AKAP7: variants seen among roughly 807,000 people sequenced by gnomAD.
AKAP7 encodes the protein A-kinase anchoring protein 7.
Under a neutral mutation model 39.5 loss-of-function variants are expected in AKAP7, and 39 were observed. The ratio of observed to expected loss-of-function variants is 0.99; its 90% CI spans 0.76 to 1.29. AKAP7 has a LOEUF of 1.29. Ranked by LOEUF, AKAP7 falls within the 50% of genes most tolerant of loss-of-function variation. The probability of loss-of-function intolerance (pLI) is 0.00; values close to 1 mark genes in which losing one functional copy is unlikely to be tolerated. For synonymous variants in AKAP7, 140 were observed against 139.1 expected (o/e 1.01, Z -0.05); for missense variants, 414 against 407.7 (o/e 1.02, Z -0.13).
At chr6:131,224,607 G>A (rs1472174639) in intron 7 of AKAP7, among the ~76,000 whole-genome samples, 10 of 151,368 alleles carry the variant, frequency 6.6e-5, no homozygotes, top group African/African-American at 2.4e-4. Flanking sequence ...TACATTCTTG[G>A]AGAGTGCTAG....
In AKAP7 at chr6:131,179,888, TA is replaced by T. The variant is rs1277575635; in HGVS notation, c.589+10618del. Among the ~76,000 whole-genome samples, 845 of 151,246 alleles carry T rather than the reference TA, an allele frequency of 5.6e-3. 8 individuals carry two copies. The highest frequency in any genetic ancestry group is 0.017 in the African/African-American group (716 of 41,186). ...TGTCTCAAATAAATAAATAAATAAA[TA>T]AATAAATAATAAATAAATAAATAAG... On this transcript the variant is annotated intron_variant, in intron 5 of 7. Coordinates refer to ENST00000431975, the MANE Select transcript of AKAP7 (RefSeq NM_016377.4).
intron 1 of AKAP7, among the ~76,000 whole-genome samples, chr6:131,142,879 G>A (rs1239072645): frequency 6.6e-6 from 1 of 152,268 alleles, no homozygotes; most frequent in Non-Finnish European, 1.5e-5. Context: ...TCTTGCTCCA[G>A]TGTGCCCTGG....
chr6:131,241,626 T>TATATATAC (rs1562238177), intron 7 of AKAP7, among the ~76,000 whole-genome samples: 99 of 135,708 alleles, frequency 7.3e-4, no homozygotes, highest in Middle Eastern at 3.5e-3. Context: ...TGTGTGTGTG[T>TATATATAC]GTATATATAT....
At chr6:131,188,512 TTTAA>T (rs1562197354) in intron 5 of AKAP7, among the ~76,000 whole-genome samples, 1 of 152,120 alleles carries the variant, frequency 6.6e-6, no homozygotes, top group Non-Finnish European at 1.5e-5. Flanking sequence ...CTTGCTATTG[TTTAA>T]TTACACATTA....
chr6:131,127,361 G>T, the AKAP7 span, among the ~76,000 whole-genome samples: 2 of 152,126 alleles, frequency 1.3e-5, no homozygotes, highest in African/African-American at 4.8e-5. Context: ...TTGACCATAG[G>T]TTGTATGTCA....
At chr6:131,256,193 A>G (rs1265263042) in intron 7 of AKAP7, among the ~76,000 whole-genome samples, 1 of 152,208 alleles carries the variant, frequency 6.6e-6, no homozygotes, top group Non-Finnish European at 1.5e-5. Flanking sequence ...CATTTTGCGT[A>G]AGATTTCTGT....
chr6:131,169,617 C>A (rs1361486295), intron 5 of AKAP7, among the ~76,000 whole-genome samples: 2 of 152,158 alleles, frequency 1.3e-5, no homozygotes, highest in African/African-American at 2.4e-5. Flanking sequence ...AGGGACTACT[C>A]TCTGAGCAGA....
At chr6:131,151,574 A>G (rs1319655269) in intron 2 of AKAP7, among the ~76,000 whole-genome samples, 2 of 151,504 alleles carry the variant, frequency 1.3e-5, no homozygotes, top group Non-Finnish European at 2.9e-5. Flanking sequence ...GTGAAACCCT[A>G]TCTCTACTAA....
At chr6:131,168,248 A>G (rs1324939953) in intron 4 of AKAP7, among the ~76,000 whole-genome samples, 5 of 151,948 alleles carry the variant, frequency 3.3e-5, no homozygotes, top group Non-Finnish European at 7.4e-5. Context: ...CTCTCTATAA[A>G]TAATTAAAAA....
intron 7 of AKAP7, among the ~76,000 whole-genome samples, chr6:131,275,646 A>G (rs1387544651): frequency 6.6e-6 from 1 of 152,170 alleles, no homozygotes; most frequent in Non-Finnish European, 1.5e-5. Context: ...GCCTACAAAC[A>G]TCCATCGCAT....
upstream of AKAP7, among the ~76,000 whole-genome samples, chr6:131,132,221 G>A (rs190720079): frequency 1.3e-5 from 2 of 152,002 alleles, no homozygotes; most frequent in Non-Finnish European, 2.9e-5. Context: ...GTAGAGCAGG[G>A]AGAATGGCGG....
At chr6:131,243,316 A>G (rs1811758147) in intron 7 of AKAP7, among the ~76,000 whole-genome samples, 1 of 152,222 alleles carries the variant, frequency 6.6e-6, no homozygotes, top group Admixed American at 6.5e-5. Flanking sequence ...GTGAACAGAA[A>G]ATAGATTCAG....
intron 7 of AKAP7, among the ~76,000 whole-genome samples, chr6:131,277,874 T>A (rs1189122409): frequency 6.6e-6 from 1 of 152,210 alleles, no homozygotes; most frequent in East Asian, 1.9e-4. Flanking sequence ...GGTTAGTTAG[T>A]TATTATAAGT....
Position 131,187,644 on chromosome 6 carries a change from G to A in AKAP7, c.590-11817G>A, listed in dbSNP as rs535902447. ...TGAAAGGTCTTTGAGGGAATCTTCC[G>A]TCTTTGTGTCCTCAATTCCTGCCAC... On this transcript the variant is annotated intron_variant, in intron 5 of 7. Transcript: ENST00000431975. Among the ~76,000 whole-genome samples the A allele has an allele frequency of 1.1e-4, 16 of 152,112 alleles. No homozygotes were observed. The East Asian group carries it at 2.5e-3, about 24-fold the overall frequency.
intron 5 of AKAP7, among the ~76,000 whole-genome samples, chr6:131,169,820 T>TTCATG (rs902783603): frequency 9.2e-5 from 14 of 152,084 alleles, no homozygotes; most frequent in South Asian, 6.2e-4. Context: ...TTCACTTCAT[T>TTCATG]TCATGTCATG....
At chr6:131,272,330 C>T (rs902059204) in intron 7 of AKAP7, among the ~76,000 whole-genome samples, 15 of 151,786 alleles carry the variant, frequency 9.9e-5, no homozygotes, top group Non-Finnish European at 1.5e-4. Context: ...CCTTTGGTTT[C>T]GCTGATGTTC....
Position 131,186,627 on chromosome 6 carries a change from T to G in AKAP7, c.590-12834T>G, listed in dbSNP as rs1006296586. Among the ~76,000 whole-genome samples, 3 of 152,148 alleles carry G rather than the reference T, an allele frequency of 2.0e-5. No individual in the cohort carries two copies. In the East Asian group the frequency reaches 5.8e-4, roughly 29 times the overall value. ...AGTTCAAGATCAGGTCACCAGAAGATTTAGTGTTTGGAGAGGGCTCTCTGC... is the reference window on the plus strand; with the variant it reads ...AGTTCAAGATCAGGTCACCAGAAGAGTTAGTGTTTGGAGAGGGCTCTCTGC... On this transcript the variant is annotated intron_variant, in intron 5 of 7. Coordinates refer to ENST00000431975, the MANE Select transcript of AKAP7 (RefSeq NM_016377.4).
intron 7 of AKAP7, among the ~76,000 whole-genome samples, chr6:131,232,036 TA>T (rs1810668109): frequency 6.6e-6 from 1 of 152,214 alleles, no homozygotes; most frequent in Admixed American, 6.5e-5. Flanking sequence ...TGGCTCACTG[TA>T]TTTTAACTGG....
intron 5 of AKAP7, among the ~76,000 whole-genome samples, chr6:131,180,004 A>G (rs1177406531): frequency 6.6e-6 from 1 of 152,216 alleles, no homozygotes; most frequent in Non-Finnish European, 1.5e-5. Context: ...TGTTTTCCAC[A>G]CTCAGAGCCT....
Sources: gnomAD v4.1 joint callset for allele counts (sites outside exome capture counted in the v4.1 genomes callset) on GRCh38, gnomAD v4.1.1 for gene constraint, MANE v1.5 for transcripts, NCBI Gene and HGNC (gene_info 2026-07-23, HGNC 2026-07-21) for gene names.